Variants in INTS6 observed in about 807,000 individuals in gnomAD.
INTS6 encodes integrator complex subunit 6.
A neutral mutation model predicts 104.9 loss-of-function variants in INTS6; 16 were observed. The ratio of observed to expected loss-of-function variants is 0.15; its 90% CI spans 0.10 to 0.23. The LOEUF (loss-of-function observed/expected upper bound fraction) is 0.23. INTS6 is among the 10% of genes least tolerant of loss of function. The pLI, the probability that INTS6 is intolerant of heterozygous loss-of-function variation, is 1.00. For synonymous variants in INTS6, 324 were observed against 358.7 expected (o/e 0.90, Z 1.09); for missense variants, 584 against 1,062.8 (o/e 0.55, Z 6.26).
In INTS6 at chr13:51,387,389, T is replaced by C. The variant is rs769856566; in HGVS notation, c.891A>G (p.Thr297=). Residue 297 remains threonine, a synonymous_variant, in exon 7 of 18, where the codon ACA becomes ACG. Transcript: ENST00000311234. ...AGTTACAGTCTCTGGTACTTACTAG[T>C]GTTGGCGAATTTTGATCTGGCCAAA... ...ESFWPDQNSP[T]LPPRTSHPVV... The C allele has an allele frequency of 8.7e-6, 14 of 1,610,214 alleles. No individual in the cohort carries two copies. The highest frequency in any genetic ancestry group is 1.2e-5 in the Non-Finnish European group (14 of 1,178,146).
chr13:51,369,202 G>A lies in INTS6; in HGVS notation c.2213C>T (p.Ala738Val). 6.2e-7 allele frequency: 1 copy of A among 1,613,848 alleles called. No individual in the cohort carries two copies. The highest frequency in any genetic ancestry group is 1.3e-5 in the African/African-American group (1 of 75,014). ...TPNAMDTEFSASSPASLLERP... is the reference protein window; with the variant it reads ...TPNAMDTEFSVSSPASLLERP... ...TTCCAGTAAACTGGCTGGAGAAGAT[G>A]CTGAAAATTCCGTATCCATAGCATT... Residue 738 changes from alanine to valine, a missense_variant, in exon 16 of 18, where the codon GCA (alanine) becomes GTA (valine). Around this residue, in one of 5 missense-constraint regions of INTS6, gnomAD observed 296 missense variants for 437.0 expected, o/e 0.68. Transcript: ENST00000311234.
At chr13:51,420,975 T>A (rs1000266185) in intron 4 of INTS6, 4 of 279,700 alleles carry the variant, frequency 1.4e-5, no homozygotes, top group Non-Finnish European at 2.2e-5. Context: ...ATAATCATCA[T>A]CAACCAATTT....
At chr13:51,437,112 AC>A (rs1190893453) in intron 3 of INTS6, 6 of 152,224 alleles carry the variant, frequency 3.9e-5, no homozygotes, top group Non-Finnish European at 7.3e-5. Context: ...GTAATAAAAA[AC>A]ATGTTAGAAA....
chr13:51,339,934 AAGAGAG>A, the INTS6 span, among the ~76,000 whole-genome samples: 5 of 151,064 alleles, frequency 3.3e-5, no homozygotes, highest in Non-Finnish European at 5.9e-5. Flanking sequence ...CATAGAAAGA[AAGAGAG>A]AGAGAGAGAG....
intron 4 of INTS6, among the ~76,000 whole-genome samples, chr13:51,425,827 A>C (rs1956974908): frequency 6.6e-6 from 1 of 152,112 alleles, no homozygotes; most frequent in Admixed American, 6.6e-5. Context: ...GAGTATCTGG[A>C]CACAGGTATG....
At chr13:51,384,983 TG>T (rs1956115409) in intron 7 of INTS6, 1 of 215,378 alleles carries the variant, frequency 4.6e-6, no homozygotes, top group Non-Finnish European at 9.4e-6. Context: ...TATCTAAAAC[TG>T]TTCGGTAAAA....
intron 3 of INTS6, chr13:51,355,213 G>A: frequency 2.7e-6 from 2 of 731,226 alleles, no homozygotes; most frequent in Non-Finnish European, 4.7e-6. Context: ...TTTGATTAAG[G>A]GATTCTCATT....
In INTS6 at chr13:51,361,953, G is replaced by A. The variant is rs1349106919; in HGVS notation, c.*3799C>T. On this transcript the variant is annotated 3_prime_UTR_variant, in exon 18 of 18. Coordinates refer to ENST00000311234, the MANE Select transcript of INTS6 (RefSeq NM_012141.3). ...TTATCAGTGTCTCTCTAGCAACAAG[G>A]GCTCATTTGTCCACTATCCCCTCAA... 6.2e-7 allele frequency: 1 copy of A among 1,611,428 alleles called. No homozygotes were observed. Among genetic ancestry groups the A allele is most frequent in the Non-Finnish European group, 8.5e-7 (1 of 1,178,540 alleles).
At position 51,451,135 on chromosome 13, in the gene INTS6, A is replaced by G. The variant is rs1304063896; in HGVS notation, c.229T>C (p.Leu77=). 4 of 1,574,838 alleles carry G rather than the reference A, an allele frequency of 2.5e-6. No homozygotes were observed. The highest frequency in any genetic ancestry group is 3.4e-6 in the Non-Finnish European group (4 of 1,164,324). ...AGTCCTTCAGCCTGAAGGTTTTTCA[A>G]TTCATTCATAAACGTTGCATGGTTT... ...KENHATFMNE[L]KNLQAEGLTT... The change falls in exon 3 of 18, where the codon TTG becomes CTG. Residue 77 remains leucine (L), a synonymous_variant. Transcript: ENST00000311234.
intron 17 of INTS6, 136 bp from the exon 18 acceptor site, chr13:51,365,981 G>A (rs1362702025): frequency 1.9e-6 from 1 of 514,772 alleles, no homozygotes; most frequent in Non-Finnish European, 3.5e-6. Context: ...TCAATACTAC[G>A]ACAATATAAA....
At chr13:51,450,756 T>C in intron 3 of INTS6, 9 of 1,071,882 alleles carry the variant, frequency 8.4e-6, no homozygotes, top group Non-Finnish European at 1.0e-5. Flanking sequence ...TTTACTGAAC[T>C]TTCAAGGGAT....
chr13:51,348,574 T>C, the INTS6 span: 4 of 608,770 alleles, frequency 6.6e-6, no homozygotes, highest in Non-Finnish European at 1.2e-5. Context: ...ACCCTAGAGT[T>C]TGAGTTCATT....
chr13:51,365,862 A>G lies in INTS6; in HGVS notation c.2571-17T>C, dbSNP rs200446245. ...TTTTTAAACCTGTATGAAAAAATAAATAGTACTCTCAATTACTTTTTAATG... is the reference window on the plus strand; with the variant it reads ...TTTTTAAACCTGTATGAAAAAATAAGTAGTACTCTCAATTACTTTTTAATG... On this transcript the variant is annotated splice_polypyrimidine_tract_variant and intron_variant, in intron 17 of 17. Coordinates refer to ENST00000311234, the MANE Select transcript of INTS6 (RefSeq NM_012141.3). 10 of 1,454,042 alleles carry G rather than the reference A, an allele frequency of 6.9e-6. No homozygotes were observed. In the East Asian group the frequency reaches 2.3e-4, roughly 33 times the overall value. The allele number at this position is 1,454,042 out of a possible 1,614,324, so 90.1% of individuals were successfully genotyped here. A position where few individuals can be genotyped will look rare whatever the true frequency, so the allele number is the denominator to read the frequency against.
At chr13:51,439,958 G>C (rs1451466477) in intron 3 of INTS6, 1 of 152,242 alleles carries the variant, frequency 6.6e-6, no homozygotes, top group Non-Finnish European at 1.5e-5. Flanking sequence ...TTTTAACAAA[G>C]GCCAGTGCAG....
chr13:51,407,034 T>C (rs1956582497), intron 4 of INTS6, among the ~76,000 whole-genome samples: 1 of 151,954 alleles, frequency 6.6e-6, no homozygotes, highest in African/African-American at 2.4e-5. Flanking sequence ...TAAGCCACAG[T>C]AGCCTTCTTT....
At chr13:51,414,904 C>G (rs932577065) in intron 4 of INTS6, among the ~76,000 whole-genome samples, 2 of 151,282 alleles carry the variant, frequency 1.3e-5, no homozygotes, top group African/African-American at 4.9e-5. Flanking sequence ...CCTCAACTTC[C>G]TTTCTCTCCC....
chr13:51,364,222 C>T lies in INTS6; in HGVS notation c.*1530G>A, dbSNP rs781616724. 1 of 1,349,162 alleles carries T rather than the reference C, an allele frequency of 7.4e-7. No homozygotes were observed. Among genetic ancestry groups the T allele is most frequent in the South Asian group, 1.4e-5 (1 of 73,654 alleles). 83.6% of individuals were successfully genotyped at this position (1,349,162 alleles called of 1,614,324 possible). On this transcript the variant is annotated 3_prime_UTR_variant, in exon 18 of 18. Transcript: ENST00000311234. Reference sequence around the variant, plus strand: ...TGAAAATACTATATAATATTAAATTCTTCTTTTTCTTGACAGGGTTTGTCT... The same window carrying T: ...TGAAAATACTATATAATATTAAATTTTTCTTTTTCTTGACAGGGTTTGTCT...
At position 51,451,253 on chromosome 13, in the gene INTS6, C is replaced by G; in HGVS notation, c.190-79G>C. ...AGAGCCGTTATAATCTGACGTTCAC[C>G]AAGTAGCAGCTTCACTTTTGGTTGG... On this transcript the variant is annotated intron_variant, in intron 2 of 17. Transcript: ENST00000311234. The G allele has an allele frequency of 2.5e-6, 3 of 1,183,562 alleles. No homozygotes were observed. The South Asian group carries it at 6.2e-5, about 24-fold the overall frequency. 73.3% of individuals were successfully genotyped at this position (1,183,562 alleles called of 1,614,324 possible).
chr13:51,347,046 C>G, the INTS6 span: 1 of 1,588,332 alleles, frequency 6.3e-7, no homozygotes, highest in South Asian at 1.1e-5. Context: ...AGTGAGGGCC[C>G]TGGTGGCTGG....
Sources: gnomAD v4.1 joint callset for allele counts (sites outside exome capture counted in the v4.1 genomes callset) on GRCh38, gnomAD v4.1.1 for gene constraint, gnomAD v4.1.1 regional missense constraint, MANE v1.5 for transcripts, NCBI Gene and HGNC (gene_info 2026-07-23, HGNC 2026-07-21) for gene names.